RALGAPA1: variants seen among roughly 807,000 people sequenced by gnomAD.
RALGAPA1 encodes the protein Ral GTPase activating protein catalytic subunit alpha 1.
In RALGAPA1, 52 loss-of-function variants were observed where a neutral mutation model predicts 269.6. The ratio of observed to expected loss-of-function variants is 0.19; its 90% CI spans 0.15 to 0.24. RALGAPA1 has a LOEUF of 0.24. Ranked by LOEUF, RALGAPA1 falls within the 10% of genes least tolerant of loss-of-function variation. The pLI is 1.00. For missense variants in RALGAPA1, 1,917 were observed against 3,013.9 expected (o/e 0.64, Z 8.52); for synonymous variants, 817 against 1,008.3 (o/e 0.81, Z 3.60).
intron 16 of RALGAPA1, among the ~76,000 whole-genome samples, chr14:35,714,150 T>C (rs1176825129): frequency 1.3e-5 from 2 of 151,848 alleles, no homozygotes; most frequent in Admixed American, 1.3e-4. Context: ...CTTGGATATA[T>C]ACCTGTGAAT....
chr14:35,788,576 G>C (rs1027716317), intron 1 of RALGAPA1, among the ~76,000 whole-genome samples: 2 of 152,250 alleles, frequency 1.3e-5, no homozygotes, highest in African/African-American at 4.8e-5. Context: ...CATGAGGCCA[G>C]GAGTTCAAGA....
At chr14:35,626,108 T>C (rs1055009409) in intron 34 of RALGAPA1, among the ~76,000 whole-genome samples, 1 of 152,180 alleles carries the variant, frequency 6.6e-6, no homozygotes, top group African/African-American at 2.4e-5. Context: ...AAACTGTTCC[T>C]GAGATATAAC....
At chr14:35,658,778 A>G (rs1029610803) in intron 28 of RALGAPA1, among the ~76,000 whole-genome samples, 6 of 151,618 alleles carry the variant, frequency 4.0e-5, no homozygotes, top group African/African-American at 1.4e-4. Flanking sequence ...TTTTAATTCA[A>G]TTTAACAAAA....
At chr14:35,598,847 G>A (rs1345605119) in intron 36 of RALGAPA1, among the ~76,000 whole-genome samples, 1 of 152,090 alleles carries the variant, frequency 6.6e-6, no homozygotes, top group Non-Finnish European at 1.5e-5. Flanking sequence ...TGTAATTATT[G>A]ACAGGTTAGG....
chr14:35,756,971 C>T, intron 6 of RALGAPA1, 63 bp from the exon 7 acceptor site: 1 of 1,357,866 alleles, frequency 7.4e-7, no homozygotes, highest in Non-Finnish European at 9.7e-7. Context: ...AATAATATAA[C>T]CAAATAAACT....
At chr14:35,541,373 G>C (rs1182512909) in intron 41 of RALGAPA1, among the ~76,000 whole-genome samples, 1 of 152,006 alleles carries the variant, frequency 6.6e-6, no homozygotes, top group East Asian at 1.9e-4. Context: ...CCAAATGTTA[G>C]AGTTATACTT....
chr14:35,744,583 T>C (rs567657274), intron 10 of RALGAPA1, among the ~76,000 whole-genome samples: 1 of 152,178 alleles, frequency 6.6e-6, no homozygotes. Context: ...CCCAAGATGA[T>C]GATGGAAAGT....
chr14:35,730,204 G>A (rs756893304), intron 12 of RALGAPA1, among the ~76,000 whole-genome samples: 12 of 152,302 alleles, frequency 7.9e-5, no homozygotes, highest in Middle Eastern at 3.4e-3. Flanking sequence ...GGGAAATACA[G>A]GGGTAGAGGA....
At chr14:35,679,027 T>C (rs1165943919) in intron 21 of RALGAPA1, among the ~76,000 whole-genome samples, 1 of 152,160 alleles carries the variant, frequency 6.6e-6, no homozygotes, top group African/African-American at 2.4e-5. Flanking sequence ...ATAAACTTTG[T>C]AAGAACAGAA....
At chr14:35,794,818 T>C (rs1347336565) in intron 1 of RALGAPA1, among the ~76,000 whole-genome samples, 7 of 152,218 alleles carry the variant, frequency 4.6e-5, no homozygotes, top group Admixed American at 4.6e-4. Context: ...TGTATTGCCA[T>C]TTATACCTAC....
chr14:35,567,557 G>C (rs772005260), intron 39 of RALGAPA1, among the ~76,000 whole-genome samples: 1 of 152,032 alleles, frequency 6.6e-6, no homozygotes, highest in Non-Finnish European at 1.5e-5. Flanking sequence ...CAGAGCTTGA[G>C]TTAAAAATTA....
chr14:35,589,776 T>C (rs369501103), intron 37 of RALGAPA1, among the ~76,000 whole-genome samples: 2 of 152,112 alleles, frequency 1.3e-5, no homozygotes, highest in Admixed American at 6.6e-5. Flanking sequence ...TCTTGGCTCA[T>C]TGCAGCCTCA....
Position 35,808,898 on chromosome 14 carries a change from A to C in RALGAPA1, c.-63T>G. The C allele has an allele frequency of 6.4e-7, 1 of 1,566,132 alleles. No individual in the cohort carries two copies. The highest frequency in any genetic ancestry group is 1.2e-5 in the South Asian group (1 of 85,904). ...GCTCCCAGCCGGGTCCCGGCGGCAGAAAGTGGAGGGAGTGGACGGGGAGGA... is the reference window on the plus strand; with the variant it reads ...GCTCCCAGCCGGGTCCCGGCGGCAGCAAGTGGAGGGAGTGGACGGGGAGGA... On this transcript the variant is annotated 5_prime_UTR_variant, in exon 1 of 42. Coordinates refer to ENST00000680220, the MANE Select transcript of RALGAPA1 (RefSeq NM_001346249.2).
intron 17 of RALGAPA1, among the ~76,000 whole-genome samples, chr14:35,693,555 C>A (rs1041505028): frequency 2.0e-5 from 3 of 151,788 alleles, no homozygotes; most frequent in African/African-American, 7.2e-5. Context: ...GAACGATCAC[C>A]CATGTTCAGA....
chr14:35,795,678 C>G (rs2076506619), intron 1 of RALGAPA1, among the ~76,000 whole-genome samples: 1 of 151,928 alleles, frequency 6.6e-6, no homozygotes, highest in Non-Finnish European at 1.5e-5. Flanking sequence ...GAAAAAAGCT[C>G]AAGAATTTAT....
At chr14:35,591,288 C>CTATGTATGTATGTATG (rs371005322) in intron 37 of RALGAPA1, among the ~76,000 whole-genome samples, 5 of 149,940 alleles carry the variant, frequency 3.3e-5, no homozygotes, top group South Asian at 2.1e-4. Context: ...ATTTTAAGTG[C>CTATGTATGTATGTATG]TATGTATGTA....
chr14:35,805,441 CA>C (rs36002869), intron 1 of RALGAPA1, among the ~76,000 whole-genome samples: 13,164 of 95,270 alleles, frequency 0.14, 878 homozygotes, highest in East Asian at 0.41. Context: ...GACTCCGTGT[CA>C]AAAAAAAAAA....
intron 16 of RALGAPA1, among the ~76,000 whole-genome samples, chr14:35,712,821 G>A (rs536978374): frequency 5.6e-4 from 85 of 152,308 alleles, no homozygotes; most frequent in Admixed American, 1.1e-3. Flanking sequence ...TTACAGGCGT[G>A]AGTTAATGCA....
At chr14:35,635,839 T>C (rs1346511916) in intron 31 of RALGAPA1, among the ~76,000 whole-genome samples, 1 of 152,078 alleles carries the variant, frequency 6.6e-6, no homozygotes, top group Non-Finnish European at 1.5e-5. Flanking sequence ...AAAACAGAAA[T>C]GTTAAAATTA....
Sources: allele counts gnomAD v4.1 joint callset (sites outside exome capture counted in the v4.1 genomes callset), GRCh38; gene constraint gnomAD v4.1.1; transcripts MANE v1.5; gene names NCBI Gene and HGNC (gene_info 2026-07-23, HGNC 2026-07-21).